Variants in ZDHHC14 observed in about 807,000 individuals in gnomAD.
ZDHHC14 encodes palmitoyltransferase ZDHHC14.
A neutral mutation model predicts 47.7 loss-of-function variants in ZDHHC14; 16 were observed. That is an observed-to-expected ratio of 0.34 (90% confidence interval 0.23 to 0.51). The LOEUF is 0.51. Ranked by LOEUF, ZDHHC14 falls within the 20% of genes least tolerant of loss-of-function variation. The pLI, the probability that ZDHHC14 is intolerant of heterozygous loss-of-function variation, is 0.97. For synonymous variants in ZDHHC14, 293 were observed against 278.9 expected, an observed-to-expected ratio of 1.05 and a Z score of -0.50; for missense variants, 515 against 662.5, an observed-to-expected ratio of 0.78 and a Z score of 2.44.
At position 157,673,418 on chromosome 6, in the gene ZDHHC14, G is replaced by A. The variant is rs1426447535; in HGVS notation, c.*296G>A. On this transcript the variant is annotated 3_prime_UTR_variant, in exon 9 of 9. Transcript: ENST00000359775. This position sits in a 1 kb window ranked among gnomAD's most constrained non-coding sequence, Gnocchi z 5.4. ...GGGTGGAATCGGAGTGTGTCTGCCC[G>A]CCCTTGTGACAGACACACGGAAGGC... 3 of 459,016 alleles carry A rather than the reference G, an allele frequency of 6.5e-6. No individual in the cohort carries two copies. Among genetic ancestry groups the A allele is most frequent in the Non-Finnish European group, 1.1e-5 (3 of 263,514 alleles). 28.4% of individuals were successfully genotyped at this position (459,016 alleles called of 1,614,324 possible). A position where few individuals can be genotyped will look rare whatever the true frequency, so the allele number is the denominator to read the frequency against.
At chr6:157,386,106 C>G (rs1777305578) in intron 1 of ZDHHC14, among the ~76,000 whole-genome samples, 1 of 152,148 alleles carries the variant, frequency 6.6e-6, no homozygotes, top group African/African-American at 2.4e-5. Flanking sequence ...AGTAGGCCCC[C>G]AAGGACTCTG....
At chr6:157,559,874 C>A (rs4463281) in intron 2 of ZDHHC14, among the ~76,000 whole-genome samples, 92,289 of 152,048 alleles carry the variant, frequency 0.61, 29,332 homozygotes, top group African/African-American at 0.81. Context: ...AAAAAATTCA[C>A]TGTGAAAGAA....
intron 4 of ZDHHC14, chr6:157,629,736 A>G (rs896353856): frequency 2.0e-5 from 3 of 152,176 alleles, no homozygotes; most frequent in Admixed American, 6.5e-5. Context: ...CAAGAGGACA[A>G]TGGACACCCG....
chr6:157,654,000 A>G (rs1369799980), intron 8 of ZDHHC14, among the ~76,000 whole-genome samples: 3 of 152,034 alleles, frequency 2.0e-5, no homozygotes, highest in Admixed American at 6.6e-5. Flanking sequence ...CTTGGTCCCC[A>G]TCTGTACTGA....
rs571094861 is a variant in ZDHHC14 at position 157,662,474 on chromosome 6, G to A, written c.1068+8847G>A. 5.3e-5 allele frequency among the ~76,000 whole-genome samples: 8 copies of A among 152,366 alleles called. No individual in the cohort carries two copies. In the East Asian group the frequency reaches 9.6e-4, roughly 18 times the overall value. On this transcript the variant is annotated intron_variant, in intron 8 of 8. Coordinates refer to ENST00000359775, the MANE Select transcript of ZDHHC14 (RefSeq NM_024630.3). ...TGGGATTACAGGCGTGAGCCCCCGCGCCCAGCCTGGAGGTGGTTTTTAAAC... is the reference window on the plus strand; with the variant it reads ...TGGGATTACAGGCGTGAGCCCCCGCACCCAGCCTGGAGGTGGTTTTTAAAC...
Position 157,427,717 on chromosome 6 carries a change from C to G in ZDHHC14, c.245+45451C>G, listed in dbSNP as rs956759831. On this transcript the variant is annotated intron_variant, in intron 1 of 8. Coordinates refer to ENST00000359775, the MANE Select transcript of ZDHHC14 (RefSeq NM_024630.3). This position sits in a 1 kb window ranked among gnomAD's most constrained non-coding sequence, Gnocchi z 4.4. Reference sequence around the variant, plus strand: ...TTTCTTTTCAGAAATGGCAGATGCGCTAGGGCTGTTCCTCCTGGAGTAGTG... The same window carrying G: ...TTTCTTTTCAGAAATGGCAGATGCGGTAGGGCTGTTCCTCCTGGAGTAGTG... Among the ~76,000 whole-genome samples, 4 of 152,108 alleles carry G rather than the reference C, an allele frequency of 2.6e-5. No homozygotes were observed. The highest frequency in any genetic ancestry group is 6.5e-5 in the Admixed American group (1 of 15,276).
At chr6:157,649,902 C>A (rs565778089) in intron 7 of ZDHHC14, among the ~76,000 whole-genome samples, 24 of 152,328 alleles carry the variant, frequency 1.6e-4, no homozygotes, top group Non-Finnish European at 1.5e-5. Flanking sequence ...ATGTGGCCAC[C>A]ATTGACTGCC....
At chr6:157,446,996 G>A (rs1015370917) in intron 1 of ZDHHC14, among the ~76,000 whole-genome samples, 7 of 152,020 alleles carry the variant, frequency 4.6e-5, no homozygotes, top group African/African-American at 4.8e-5. Flanking sequence ...GCACATGCCC[G>A]TACTCCCAGC....
At chr6:157,450,516 T>TA (rs35262370) in intron 1 of ZDHHC14, among the ~76,000 whole-genome samples, 93,805 of 137,714 alleles carry the variant, frequency 0.68, 32,493 homozygotes, top group East Asian at 0.9. Context: ...GACTCCGTCT[T>TA]AAAAAAAAAA....
intron 2 of ZDHHC14, among the ~76,000 whole-genome samples, chr6:157,574,633 T>G (rs1028183552): frequency 1.3e-5 from 2 of 152,160 alleles, no homozygotes; most frequent in African/African-American, 2.4e-5. Flanking sequence ...AATCCAAGAC[T>G]CACCCTGGTC....
At chr6:157,621,771 A>G (rs1342725211) in intron 3 of ZDHHC14, among the ~76,000 whole-genome samples, 1 of 152,150 alleles carries the variant, frequency 6.6e-6, no homozygotes, top group Admixed American at 6.5e-5. Context: ...ACTTTTGCAA[A>G]TACTTTCCCC....
At chr6:157,399,995 G>A (rs558750124) in intron 1 of ZDHHC14, among the ~76,000 whole-genome samples, 1 of 152,364 alleles carries the variant, frequency 6.6e-6, no homozygotes, top group East Asian at 1.9e-4. Flanking sequence ...GAAGTGTATG[G>A]TAACCTCCTT....
At chr6:157,604,610 C>T (rs796245668) in intron 3 of ZDHHC14, among the ~76,000 whole-genome samples, 15 of 136,352 alleles carry the variant, frequency 1.1e-4, no homozygotes, top group East Asian at 5.9e-4. Flanking sequence ...TGCAGTGGCA[C>T]GATCTCGGCT....
At chr6:157,633,681 GTTTGT>G (rs1226357917) in intron 5 of ZDHHC14, among the ~76,000 whole-genome samples, 2 of 152,072 alleles carry the variant, frequency 1.3e-5, no homozygotes, top group Non-Finnish European at 2.9e-5. Context: ...ATTCGTTTTT[GTTTGT>G]TTTGTTTTGT....
At chr6:157,612,452 G>A (rs140280760) in intron 3 of ZDHHC14, among the ~76,000 whole-genome samples, 1 of 152,108 alleles carries the variant, frequency 6.6e-6, no homozygotes, top group Non-Finnish European at 1.5e-5. Context: ...CTCCAGCCCC[G>A]AGGTCTCCTC....
intron 1 of ZDHHC14, among the ~76,000 whole-genome samples, chr6:157,511,169 G>T (rs748939290): frequency 1.3e-5 from 2 of 152,206 alleles, no homozygotes; most frequent in Non-Finnish European, 2.9e-5. Context: ...AGAGGATGGA[G>T]TTGCTTACCC....
At chr6:157,553,819 T>C (rs981054073) in intron 2 of ZDHHC14, among the ~76,000 whole-genome samples, 1 of 152,178 alleles carries the variant, frequency 6.6e-6, no homozygotes, top group African/African-American at 2.4e-5. Context: ...ATGGCTACCA[T>C]GTAGTTGAAA....
At chr6:157,408,944 C>T (rs1473915243) in intron 1 of ZDHHC14, among the ~76,000 whole-genome samples, 2 of 152,180 alleles carry the variant, frequency 1.3e-5, no homozygotes, top group Non-Finnish European at 2.9e-5. Context: ...TTCTTGGGGC[C>T]TCACATGGCA....
At chr6:157,479,871 A>G (rs971523160) in intron 1 of ZDHHC14, among the ~76,000 whole-genome samples, 4 of 152,316 alleles carry the variant, frequency 2.6e-5, no homozygotes, top group African/African-American at 7.2e-5. Flanking sequence ...CTGTGGTTTC[A>G]ATGTGAATCT....
Sources: allele counts gnomAD v4.1 joint callset (sites outside exome capture counted in the v4.1 genomes callset), GRCh38; gene constraint gnomAD v4.1.1; non-coding constraint Gnocchi (gnomAD v3.1); transcripts MANE v1.5; gene names NCBI Gene and HGNC (gene_info 2026-07-23, HGNC 2026-07-21).